The following PAK5 variants were observed in gnomAD, a reference collection of about 807,000 sequenced individuals.
The protein encoded by PAK5 is serine/threonine-protein kinase PAK 5.
Under a neutral mutation model 65.9 loss-of-function variants are expected in PAK5, and 16 were observed. The ratio of observed to expected loss-of-function variants is 0.24; its 90% CI spans 0.16 to 0.37. The LOEUF (loss-of-function observed/expected upper bound fraction) is 0.37, where lower values mean the gene tolerates loss of function less well. PAK5 is among the 10% of genes least tolerant of loss of function. PAK5 has a pLI of 1.00. For missense variants in PAK5, 785 were observed against 903.9 expected (o/e 0.87, Z 1.69); for synonymous variants, 371 against 354.9 (o/e 1.05, Z -0.51).
intron 2 of PAK5, among the ~76,000 whole-genome samples, chr20:9,664,460 C>T (rs1023502312): frequency 2.0e-5 from 3 of 152,170 alleles, no homozygotes; most frequent in African/African-American, 7.2e-5. Context: ...TGGAAATCAA[C>T]AAGGCATATA....
At chr20:9,826,494 A>G (rs2049485643) in intron 1 of PAK5, among the ~76,000 whole-genome samples, 1 of 152,176 alleles carries the variant, frequency 6.6e-6, no homozygotes, top group Admixed American at 6.5e-5. Context: ...TAGAAATCCA[A>G]ACTGAAGCAC....
At chr20:9,770,599 T>G (rs1326689439) in intron 1 of PAK5, among the ~76,000 whole-genome samples, 3 of 152,120 alleles carry the variant, frequency 2.0e-5, no homozygotes, top group Non-Finnish European at 2.9e-5. Context: ...TGGGTTAGAC[T>G]TTTGCCAAGT....
At chr20:9,784,890 A>C (rs1252180601) in intron 1 of PAK5, among the ~76,000 whole-genome samples, 1 of 152,178 alleles carries the variant, frequency 6.6e-6, no homozygotes, top group Non-Finnish European at 1.5e-5. Context: ...CTTTGCAGGC[A>C]AATAAAGAAA....
chr20:9,676,877 AT>A (rs1390797969), intron 2 of PAK5, among the ~76,000 whole-genome samples: 5 of 152,210 alleles, frequency 3.3e-5, no homozygotes, highest in African/African-American at 9.7e-5. Context: ...TTGTGCATTA[AT>A]GCATATCTGA....
chr20:9,725,924 T>A (rs967587999), intron 1 of PAK5, among the ~76,000 whole-genome samples: 1 of 152,142 alleles, frequency 6.6e-6, no homozygotes, highest in Non-Finnish European at 1.5e-5. Flanking sequence ...AGGCATTTTT[T>A]AAAATTTCAG....
At chr20:9,769,149 C>A (rs2048805573) in intron 1 of PAK5, among the ~76,000 whole-genome samples, 1 of 152,202 alleles carries the variant, frequency 6.6e-6, no homozygotes. Flanking sequence ...TACAGCACAG[C>A]AAATCTAGTG....
chr20:9,665,611 T>G (rs1157524488), intron 2 of PAK5, among the ~76,000 whole-genome samples: 1 of 151,994 alleles, frequency 6.6e-6, no homozygotes, highest in Non-Finnish European at 1.5e-5. Flanking sequence ...GCCTCCTGAT[T>G]AGCTGGGACT....
intron 3 of PAK5, among the ~76,000 whole-genome samples, chr20:9,634,581 G>T (rs1007168252): frequency 6.6e-6 from 1 of 152,180 alleles, no homozygotes; most frequent in African/African-American, 2.4e-5. Flanking sequence ...GGGAAAGATG[G>T]TGTGTTGACA....
chr20:9,712,316 C>A (rs1298606675), intron 1 of PAK5, among the ~76,000 whole-genome samples: 1 of 152,088 alleles, frequency 6.6e-6, no homozygotes, highest in African/African-American at 2.4e-5. Flanking sequence ...TTCAGCATAT[C>A]CTTGCCATTT....
At chr20:9,803,585 A>G (rs1274313884) in intron 1 of PAK5, among the ~76,000 whole-genome samples, 2 of 152,216 alleles carry the variant, frequency 1.3e-5, no homozygotes, top group African/African-American at 4.8e-5. Context: ...AATGTAGATC[A>G]AGTGGATGTT....
At chr20:9,716,211 AG>A (rs1354971519) in intron 1 of PAK5, among the ~76,000 whole-genome samples, 3 of 152,178 alleles carry the variant, frequency 2.0e-5, no homozygotes, top group Non-Finnish European at 4.4e-5. Flanking sequence ...TAGGATCACT[AG>A]GACTTAGTAA....
chr20:9,595,162 A>G (rs1232013472), intron 3 of PAK5, among the ~76,000 whole-genome samples: 1 of 151,828 alleles, frequency 6.6e-6, no homozygotes, highest in Non-Finnish European at 1.5e-5. Flanking sequence ...AAAAAAATCT[A>G]GCCCCTAAAC....
chr20:9,808,596 A>C (rs1181304688), intron 1 of PAK5, among the ~76,000 whole-genome samples: 1 of 152,226 alleles, frequency 6.6e-6, no homozygotes, highest in African/African-American at 2.4e-5. Context: ...CCTTGAAAAC[A>C]TTATGCTAAG....
At chr20:9,723,376 GT>G (rs1456537712) in intron 1 of PAK5, among the ~76,000 whole-genome samples, 2 of 152,128 alleles carry the variant, frequency 1.3e-5, no homozygotes, top group Admixed American at 6.5e-5. Context: ...ATGGATAGGA[GT>G]TCTATTTACT....
Position 9,544,381 on chromosome 20 carries a change from A to G in PAK5, c.1857T>C (p.Pro619=), listed in dbSNP as rs1043145065. 6.2e-7 allele frequency: 1 copy of G among 1,614,010 alleles called. No homozygotes were observed. The highest frequency in any genetic ancestry group is 8.5e-7 in the Non-Finnish European group (1 of 1,179,948). Reference sequence around the variant, plus strand: ...GTGACCCCCTTACCTCTGTCCCATAAGGTAGCCTAGAAATCACCTCAGGGG... The same window carrying G: ...GTGACCCCCTTACCTCTGTCCCATAGGGTAGCCTAGAAATCACCTCAGGGG... ...WMAPEVISRL[P]YGTEVDIWSL... Residue 619 remains proline (P), a synonymous_variant, in exon 8 of 10, where the codon CCT becomes CCC. Transcript: ENST00000353224.
intron 2 of PAK5, among the ~76,000 whole-genome samples, chr20:9,665,509 G>C (rs181441597): frequency 1.1e-4 from 17 of 151,760 alleles, no homozygotes; most frequent in Admixed American, 1.1e-3. Flanking sequence ...TTGAGTCAGG[G>C]TCTTGCTCTG....
chr20:9,706,621 G>A (rs1280442625), intron 2 of PAK5, among the ~76,000 whole-genome samples: 2 of 151,432 alleles, frequency 1.3e-5, no homozygotes, highest in Non-Finnish European at 2.9e-5. Context: ...TGGAACCACA[G>A]GTGCATGCCA....
At chr20:9,723,580 C>T (rs2048242086) in intron 1 of PAK5, among the ~76,000 whole-genome samples, 1 of 152,160 alleles carries the variant, frequency 6.6e-6, no homozygotes, top group Non-Finnish European at 1.5e-5. Flanking sequence ...TTGATTTGCT[C>T]CATGGGACAT....
At position 9,569,229 on chromosome 20, in the gene PAK5, T is replaced by C. The variant is rs1028656954; in HGVS notation, c.991-2845A>G. Among the ~76,000 whole-genome samples the C allele has an allele frequency of 5.9e-5, 9 of 152,240 alleles. 1 individual carries two copies. The highest frequency in any genetic ancestry group is 4.1e-4 in the South Asian group (2 of 4,830). On this transcript the variant is annotated intron_variant, in intron 4 of 9. Coordinates refer to ENST00000353224, the MANE Select transcript of PAK5 (RefSeq NM_177990.4). Reference sequence around the variant, plus strand: ...GTTATGCAGCAATATTGATAGCTAATACATGGTGGAAAATTAAGAGTTCTT... The same window carrying C: ...GTTATGCAGCAATATTGATAGCTAACACATGGTGGAAAATTAAGAGTTCTT...
Sources: gnomAD v4.1 joint callset for allele counts (sites outside exome capture counted in the v4.1 genomes callset) on GRCh38, gnomAD v4.1.1 for gene constraint, MANE v1.5 for transcripts, NCBI Gene and HGNC (gene_info 2026-07-23, HGNC 2026-07-21) for gene names.